The following PTPRD variants were observed in gnomAD, a reference collection of about 807,000 sequenced individuals.
The protein encoded by PTPRD is protein tyrosine phosphatase receptor type D.
Under a neutral mutation model 214.5 loss-of-function variants are expected in PTPRD, and 34 were observed. That is an observed-to-expected ratio of 0.16 (90% CI 0.12 to 0.21). The LOEUF (loss-of-function observed/expected upper bound fraction) is 0.21, where lower values mean the gene tolerates loss of function less well. PTPRD is among the 10% of genes least tolerant of loss of function. The pLI is 1.00. For missense variants in PTPRD, 2,545 were observed against 2,398.7 expected, an observed-to-expected ratio of 1.06 and a Z score of -1.27; for synonymous variants, 1,128 against 845.7, an observed-to-expected ratio of 1.33 and a Z score of -5.79.
chr9:8,401,562 A>AC (rs1178400063), intron 36 of PTPRD, among the ~76,000 whole-genome samples: 4 of 152,128 alleles, frequency 2.6e-5, no homozygotes, highest in Non-Finnish European at 5.9e-5. Flanking sequence ...TCCTAGCCTA[A>AC]ATAAAATGAC....
chr9:8,439,935 A>ATTTTTTTTTTTTTTTTTTTTTTTTTTT lies in PTPRD; in HGVS notation c.3989-3273_3989-3247dup, dbSNP rs1166530719. On this transcript the variant is annotated intron_variant, in intron 34 of 45. Coordinates refer to ENST00000381196, the MANE Select transcript of PTPRD (RefSeq NM_002839.4). ...CATTTAAATTACTTGATGTGCTTTA[A>ATTTTTTTTTTTTTTTTTTTTTTTTTTT]TTTTTTTTTTTTTTTTTTTTTTTTT... Among the ~76,000 whole-genome samples, 30 of 73,318 alleles carry ATTTTTTTTTTTTTTTTTTTTTTTTTTT rather than the reference A, an allele frequency of 4.1e-4. 3 individuals carry two copies. Among genetic ancestry groups the ATTTTTTTTTTTTTTTTTTTTTTTTTTT allele is most frequent in the South Asian group, 1.3e-3 (2 of 1,584 alleles). 48.1% of individuals were successfully genotyped at this position (73,318 alleles called of 152,430 possible). A position where few individuals can be genotyped will look rare whatever the true frequency, so the allele number is the denominator to read the frequency against.
intron 39 of PTPRD, among the ~76,000 whole-genome samples, chr9:8,349,403 C>T (rs2074804016): frequency 6.6e-6 from 1 of 152,158 alleles, no homozygotes; most frequent in South Asian, 2.1e-4. Context: ...GTTCACCCAT[C>T]AGTATCTGAG....
At chr9:8,940,107 GT>G (rs1441612436) in intron 11 of PTPRD, among the ~76,000 whole-genome samples, 1 of 151,168 alleles carries the variant, frequency 6.6e-6, no homozygotes, top group Non-Finnish European at 1.5e-5. Flanking sequence ...GAAGGCAAAG[GT>G]TTTCAGACTG....
chr9:8,603,828 C>A (rs918700732), intron 14 of PTPRD, among the ~76,000 whole-genome samples: 3 of 152,102 alleles, frequency 2.0e-5, no homozygotes, highest in Non-Finnish European at 4.4e-5. Context: ...AAATATTTCA[C>A]AATTTAGTTA....
intron 3 of PTPRD, among the ~76,000 whole-genome samples, chr9:10,296,292 T>C (rs2095670193): frequency 6.6e-6 from 1 of 152,050 alleles, no homozygotes; most frequent in African/African-American, 2.4e-5. Flanking sequence ...AAAATAGAAA[T>C]TGACCCTTCT....
At chr9:9,606,345 G>A (rs112746692) in intron 7 of PTPRD, among the ~76,000 whole-genome samples, 8 of 151,950 alleles carry the variant, frequency 5.3e-5, no homozygotes, top group Non-Finnish European at 7.4e-5. Flanking sequence ...ATTATAATTA[G>A]CTTGGTCTTA....
chr9:8,343,572 T>G (rs1317429366), intron 39 of PTPRD, among the ~76,000 whole-genome samples: 1 of 152,044 alleles, frequency 6.6e-6, no homozygotes, highest in African/African-American at 2.4e-5. Flanking sequence ...TGGCGAGTTT[T>G]CCCTGACATT....
intron 2 of PTPRD, among the ~76,000 whole-genome samples, chr9:10,463,149 G>A (rs1322850782): frequency 6.6e-6 from 1 of 151,798 alleles, no homozygotes; most frequent in African/African-American, 2.4e-5. Flanking sequence ...AATATATTAT[G>A]TATACATTAA....
chr9:9,513,301 C>G (rs1173071314), intron 8 of PTPRD, among the ~76,000 whole-genome samples: 49 of 151,966 alleles, frequency 3.2e-4, no homozygotes, highest in Admixed American at 3.2e-3. Flanking sequence ...AAAATGTTCA[C>G]AGTTCATGCT....
chr9:10,528,565 G>A (rs568458880), intron 2 of PTPRD, among the ~76,000 whole-genome samples: 75 of 152,202 alleles, frequency 4.9e-4, no homozygotes, highest in Non-Finnish European at 9.7e-4. Flanking sequence ...TGTATCATAT[G>A]TATACTCAGG....
At chr9:10,012,424 A>T (rs10755991) in intron 4 of PTPRD, among the ~76,000 whole-genome samples, 72,878 of 151,742 alleles carry the variant, frequency 0.48, 20,876 homozygotes, top group Middle Eastern at 0.67. Context: ...CTTTTCACTT[A>T]TGTGTAAGAT....
chr9:8,663,499 T>C (rs924663668), intron 12 of PTPRD, among the ~76,000 whole-genome samples: 2 of 152,104 alleles, frequency 1.3e-5, no homozygotes, highest in African/African-American at 4.8e-5. Flanking sequence ...GTTGTTGTTA[T>C]TTATTTATTG....
At chr9:9,058,541 T>C (rs1255333093) in intron 10 of PTPRD, among the ~76,000 whole-genome samples, 1 of 130,686 alleles carries the variant, frequency 7.7e-6, no homozygotes, top group African/African-American at 2.8e-5. Context: ...CTCCGCCCCC[T>C]GGGGTTCACG....
intron 11 of PTPRD, among the ~76,000 whole-genome samples, chr9:9,003,074 A>G (rs538318968): frequency 1.3e-5 from 2 of 152,150 alleles, no homozygotes; most frequent in Admixed American, 6.6e-5. Context: ...ACACCACTGG[A>G]TCATCGCCCC....
intron 13 of PTPRD, among the ~76,000 whole-genome samples, chr9:8,636,493 C>T (rs1463632714): frequency 1.3e-5 from 2 of 152,068 alleles, no homozygotes; most frequent in Non-Finnish European, 2.9e-5. Flanking sequence ...AGCCCTGGCA[C>T]AAGTAGAAAC....
intron 10 of PTPRD, among the ~76,000 whole-genome samples, chr9:9,154,634 T>C (rs1344607117): frequency 6.6e-6 from 1 of 152,306 alleles, no homozygotes; most frequent in Non-Finnish European, 1.5e-5. Context: ...TCGATAGTAG[T>C]TATAAAACAT....
chr9:9,721,103 T>C lies in PTPRD; in HGVS notation c.-287+13430A>G, dbSNP rs576188301. Among the ~76,000 whole-genome samples, 3 of 152,196 alleles carry C rather than the reference T, an allele frequency of 2.0e-5. No homozygotes were observed. In the South Asian group the frequency reaches 6.2e-4, roughly 32 times the overall value. ...CCTCTGTGACATGAGTTTATCTATA[T>C]AACAAACCTGCATATGTACCCCTGA... is the stretch of plus-strand genomic sequence containing the variant. On this transcript the variant is annotated intron_variant, in intron 7 of 45. Transcript: ENST00000381196.
intron 11 of PTPRD, among the ~76,000 whole-genome samples, chr9:8,804,892 C>T (rs1225766139): frequency 6.6e-6 from 1 of 152,112 alleles, no homozygotes; most frequent in Admixed American, 6.6e-5. Flanking sequence ...TTTAACACCT[C>T]CCAGATCTCA....
At chr9:8,977,527 G>C (rs1315317172) in intron 11 of PTPRD, among the ~76,000 whole-genome samples, 1 of 151,984 alleles carries the variant, frequency 6.6e-6, no homozygotes, top group Non-Finnish European at 1.5e-5. Context: ...TTTATGAAAA[G>C]TTCCCTTTCA....
Sources: allele counts gnomAD v4.1 joint callset (sites outside exome capture counted in the v4.1 genomes callset), GRCh38; gene constraint gnomAD v4.1.1; transcripts MANE v1.5; gene names NCBI Gene and HGNC (gene_info 2026-07-23, HGNC 2026-07-21).